ATRX: variants seen among roughly 807,000 people sequenced by gnomAD.
The protein encoded by ATRX is ATRX chromatin remodeler.
In ATRX, 12 loss-of-function variants were observed where a neutral mutation model predicts 172.6. That is an observed-to-expected ratio of 0.07 (90% CI 0.04 to 0.11). The LOEUF is 0.11. Ranked by LOEUF, ATRX falls within the 10% of genes least tolerant of loss-of-function variation. The pLI, the probability that ATRX is intolerant of heterozygous loss-of-function variation, is 1.00. For synonymous variants in ATRX, 674 were observed against 594.7 expected, an observed-to-expected ratio of 1.13 and a Z score of -1.94; for missense variants, 1,368 against 1,767.4, an observed-to-expected ratio of 0.77 and a Z score of 4.05.
intron 22 of ATRX, among the ~76,000 whole-genome samples, chrX:77,604,926 C>T (rs2066846443): frequency 8.9e-6 from 1 of 111,829 alleles, no homozygotes; most frequent in Admixed American, 9.5e-5. Flanking sequence ...TCATGTTCTC[C>T]CTTATAAGTG....
chrX:77,684,483 T>C lies in ATRX; in HGVS notation c.773A>G (p.Asp258Gly), dbSNP rs2148638244. 11 of 1,210,820 alleles carry C rather than the reference T, an allele frequency of 9.1e-6. No individual in the cohort carries two copies. The highest frequency in any genetic ancestry group is 7.0e-5 in the South Asian group (4 of 56,787). The change falls in exon 9 of 35, where the codon GAT becomes GGT. Residue 258 changes from aspartate to glycine, a missense_variant. Physicochemically the swap from Asp to Gly is moderately conservative, Grantham distance 94. Around this residue, in one of 17 missense-constraint regions of ATRX, gnomAD observed 17 missense variants for 30.3 expected, o/e 0.56. Coordinates refer to ENST00000373344, the MANE Select transcript of ATRX (RefSeq NM_000489.6). ...GTAGCAATACCATTGGTTGTTTTCA[T>C]CCATTATTGTGGACAACTCCTTTCG... ...LGRKELSTIM[D>G]ENNQWYCYIC... is the part of the protein sequence containing the mutation.
intron 27 of ATRX, among the ~76,000 whole-genome samples, chrX:77,575,031 T>C (rs532053986): frequency 2.7e-5 from 3 of 110,616 alleles, no homozygotes; most frequent in African/African-American, 6.5e-5. Flanking sequence ...AAGACTTGCA[T>C]TGATACTAAA....
intron 28 of ATRX, among the ~76,000 whole-genome samples, chrX:77,571,169 TA>T (rs1311121366): frequency 1.8e-5 from 2 of 111,924 alleles, no homozygotes; most frequent in Non-Finnish European, 3.8e-5. Context: ...CCTAAAAAAG[TA>T]CTTACCATAT....
intron 1 of ATRX, among the ~76,000 whole-genome samples, chrX:77,785,657 C>T (rs1053084954): frequency 9.7e-6 from 1 of 102,583 alleles, no homozygotes; most frequent in Admixed American, 1.1e-4. Context: ...AAGACCGCCT[C>T]CGACTTCGAG....
chrX:77,683,535 A>G lies in ATRX; in HGVS notation c.1721T>C (p.Ile574Thr). 8.3e-7 allele frequency: 1 copy of G among 1,209,042 alleles called. No homozygotes were observed. The highest frequency in any genetic ancestry group is 1.1e-6 in the Non-Finnish European group (1 of 893,164). The change falls in exon 9 of 35, where the codon ATT becomes ACT. Residue 574 changes from isoleucine to threonine, a missense_variant. Ile to Thr is a moderately conservative substitution (Grantham distance 89, BLOSUM62 -1). Coordinates refer to ENST00000373344, the MANE Select transcript of ATRX (RefSeq NM_000489.6). ...TACTTTAGCTGTAGTTTTTGATTTA[A>G]TACCTCCTCTGTTGTCTTTTGAAGA... ...NISSKDNRGGIKSKTTAKVTK... is the reference protein window; with the variant it reads ...NISSKDNRGGTKSKTTAKVTK...
At chrX:77,644,741 GA>G (rs1272941194) in intron 15 of ATRX, among the ~76,000 whole-genome samples, 1 of 109,441 alleles carries the variant, frequency 9.1e-6, no homozygotes, top group Non-Finnish European at 1.9e-5. Flanking sequence ...CTAAAGTGAA[GA>G]AACAAAAAGG....
intron 15 of ATRX, among the ~76,000 whole-genome samples, chrX:77,639,319 C>T (rs2068541710): frequency 8.9e-6 from 1 of 112,098 alleles, no homozygotes; most frequent in Admixed American, 9.5e-5. Flanking sequence ...AAAGATGAAA[C>T]AATCTGCCAT....
At position 77,683,255 on chromosome X, in the gene ATRX, C is replaced by T. The variant is rs139997330; in HGVS notation, c.2001G>A (p.Pro667=). The change falls in exon 9 of 35, where the codon CCG becomes CCA. Residue 667 remains proline (P), a synonymous_variant. Coordinates refer to ENST00000373344, the MANE Select transcript of ATRX (RefSeq NM_000489.6). ...PRVKTTPLRR[P]TETNPVTSNS... ...TAGATGTTACAGGGTTAGTTTCTGT[C>T]GGTCGCCTCAAGGGTGTAGTCTTTA... 160 of 1,208,902 alleles carry T rather than the reference C, an allele frequency of 1.3e-4. No homozygotes were observed. The highest frequency in any genetic ancestry group is 1.7e-4 in the Non-Finnish European group (152 of 894,718).
chrX:77,785,432 A>T (rs1333487304), intron 1 of ATRX, among the ~76,000 whole-genome samples: 6 of 109,049 alleles, frequency 5.5e-5, no homozygotes, highest in African/African-American at 2.0e-4. Context: ...CTGCACCACA[A>T]CCCAATCAAA....
intron 1 of ATRX, among the ~76,000 whole-genome samples, chrX:77,735,505 T>C (rs2074502247): frequency 9.1e-6 from 1 of 109,789 alleles, no homozygotes; most frequent in African/African-American, 3.3e-5. Context: ...GGCTGGAGAA[T>C]GGCGTGAACC....
intron 2 of ATRX, among the ~76,000 whole-genome samples, chrX:77,709,083 T>TGTA (rs782716671): frequency 1.8e-5 from 2 of 111,274 alleles, no homozygotes; most frequent in South Asian, 7.6e-4. Context: ...GGCATGTGCC[T>TGTA]GTAGTCTTGG....
chrX:77,522,663 A>G (rs2063268901), intron 31 of ATRX, among the ~76,000 whole-genome samples: 1 of 111,759 alleles, frequency 8.9e-6, no homozygotes, highest in East Asian at 2.8e-4. Context: ...CACTAATGTT[A>G]AAGAAGTTTG....
intron 2 of ATRX, among the ~76,000 whole-genome samples, chrX:77,713,899 T>C (rs2073234934): frequency 8.9e-6 from 1 of 111,845 alleles, no homozygotes. Context: ...AACTGTGTTA[T>C]GTAATATGGC....
rs1260467055 is a variant in ATRX at position 77,684,923 on chromosome X, C to T, written c.662+16G>A. ...AAGTAGGAAACACTGAATGTTAGCT[C>T]ATCTATATTACCTACCTACATTGTT... On this transcript the variant is annotated intron_variant, in intron 8 of 34. Transcript: ENST00000373344. 6 of 1,170,709 alleles carry T rather than the reference C, an allele frequency of 5.1e-6. No individual in the cohort carries two copies. The highest frequency in any genetic ancestry group is 5.8e-6 in the Non-Finnish European group (5 of 859,526).
chrX:77,653,799 C>T (rs1282489319), intron 14 of ATRX, among the ~76,000 whole-genome samples: 1 of 111,356 alleles, frequency 9.0e-6, no homozygotes, highest in African/African-American at 3.3e-5. Flanking sequence ...ATATATGAGT[C>T]ATCATTCAGG....
intron 28 of ATRX, among the ~76,000 whole-genome samples, chrX:77,559,840 T>C (rs1003450837): frequency 9.0e-6 from 1 of 111,475 alleles, no homozygotes; most frequent in Admixed American, 9.6e-5. Flanking sequence ...TAAAAACGAA[T>C]GAATACTTCA....
chrX:77,671,296 T>A (rs1178578806), intron 10 of ATRX, among the ~76,000 whole-genome samples: 5 of 102,261 alleles, frequency 4.9e-5, no homozygotes, highest in Non-Finnish European at 9.9e-5. Flanking sequence ...TTTGAAATAT[T>A]TTTTTTTAGT....
chrX:77,724,338 A>C (rs1445546043), intron 1 of ATRX, among the ~76,000 whole-genome samples: 1 of 110,681 alleles, frequency 9.0e-6, no homozygotes, highest in Non-Finnish European at 1.9e-5. Flanking sequence ...AAAAAAGAAA[A>C]AAAAACAGAT....
At chrX:77,570,674 A>G (rs1557066897) in intron 28 of ATRX, among the ~76,000 whole-genome samples, 1 of 112,073 alleles carries the variant, frequency 8.9e-6, no homozygotes, top group African/African-American at 3.2e-5. Flanking sequence ...CATCAGAACC[A>G]TGATCAAAAC....
Sources: allele counts gnomAD v4.1 joint callset (sites outside exome capture counted in the v4.1 genomes callset), GRCh38; gene constraint gnomAD v4.1.1; regional missense constraint gnomAD v4.1.1; transcripts MANE v1.5; gene names NCBI Gene and HGNC (gene_info 2026-07-23, HGNC 2026-07-21).